Variants in BAHCC1 observed in about 807,000 individuals in gnomAD.
The protein encoded by BAHCC1 is BAH and coiled-coil domain-containing protein 1.
BAHCC1 carries 43 observed loss-of-function variants against 88.2 expected under a neutral mutation model. The ratio of observed to expected loss-of-function variants is 0.49; its 90% CI spans 0.38 to 0.63. BAHCC1 has a LOEUF of 0.63. Ranked by LOEUF, BAHCC1 falls within the 20% of genes least tolerant of loss-of-function variation. The probability of loss-of-function intolerance (pLI) is 0.00; values close to 1 mark genes in which losing one functional copy is unlikely to be tolerated. For synonymous variants in BAHCC1, 1,510 were observed against 745.5 expected (o/e 2.03, Z -16.71); for missense variants, 3,023 against 1,654.8 (o/e 1.83, Z -14.34).
At chr17:81,437,309 C>G (rs957379896) in intron 3 of BAHCC1, among the ~76,000 whole-genome samples, 1 of 152,258 alleles carries the variant, frequency 6.6e-6, no homozygotes, top group Non-Finnish European at 1.5e-5. Context: ...GCAGGCCGGC[C>G]GGCACTGGCA....
At chr17:81,427,472 G>A (rs1307002675) in intron 3 of BAHCC1, among the ~76,000 whole-genome samples, 7 of 152,184 alleles carry the variant, frequency 4.6e-5, no homozygotes, top group South Asian at 2.1e-4. Flanking sequence ...CTGCCTCCCC[G>A]TGGGACACAG....
In BAHCC1 at chr17:81,447,292, A is replaced by T. The variant is rs1555654754; in HGVS notation, c.3420A>T (p.Gly1140=). The T allele has an allele frequency of 1.4e-6, 1 of 732,366 alleles. No homozygotes were observed. The highest frequency in any genetic ancestry group is 2.5e-5 in the East Asian group (1 of 40,024). 45.4% of individuals were successfully genotyped at this position (732,366 alleles called of 1,614,324 possible). A position where few individuals can be genotyped will look rare whatever the true frequency, so the allele number is the denominator to read the frequency against. ...CCACCCCCTACCCTACCGAGCGGGG[A>T]CCCCAGGGGAAGGCAGCGGACCCCA... The part of the protein sequence containing the change: ...LAATPYPTER[G]PQGKAADPSP... Residue 1140 remains glycine (G), a synonymous_variant, in exon 11 of 28, where the codon GGA becomes GGT. Transcript: ENST00000675386.
rs782104738 is a variant in BAHCC1 at position 81,452,743 on chromosome 17, G to T, written c.4337G>T (p.Ser1446Ile). The T allele has an allele frequency of 2.7e-6, 2 of 752,186 alleles. No individual in the cohort carries two copies. Among genetic ancestry groups the T allele is most frequent in the Admixed American group, 1.8e-5 (1 of 54,464 alleles). 46.6% of individuals were successfully genotyped at this position (752,186 alleles called of 1,614,324 possible). ...HDHERDESSR[S>I]PARRGPGRPR... ...CCCAGGAGAGACGAGAGTTCACGGA[G>T]CCCTGCACGGCGGGGGCCTGGCCGG... Residue 1446 changes from serine (S) to isoleucine (I), a missense_variant, in exon 14 of 28, where the codon AGC becomes ATC. By Grantham distance (142) the Ser-to-Ile change is moderately radical (BLOSUM62 -2). Coordinates refer to ENST00000675386, the MANE Select transcript of BAHCC1 (RefSeq NM_001377448.1).
At chr17:81,452,132 CT>C in intron 13 of BAHCC1, 25 bp downstream of exon 13, 1 of 558,684 alleles carries the variant, frequency 1.8e-6, no homozygotes, top group Non-Finnish European at 3.1e-6. Context: ...GCGGGGGGGC[CT>C]GGGAGGGTCG....
rs184015714 is a variant in BAHCC1 at position 81,452,668 on chromosome 17, T to C, written c.4317-55T>C. ...AGGCCAATGCCCTCGGCTGGAACCT[T>C]GTCGGGGAGCTGGGTTGTGCATGAG... On this transcript the variant is annotated intron_variant, in intron 13 of 27. Coordinates refer to ENST00000675386, the MANE Select transcript of BAHCC1 (RefSeq NM_001377448.1). 3.0e-5 allele frequency: 20 copies of C among 671,430 alleles called. 1 individual carries two copies. Among genetic ancestry groups the C allele is most frequent in the Non-Finnish European group, 1.1e-5 (4 of 373,542 alleles). The allele number at this position is 671,430 out of a possible 1,614,324, so 41.6% of individuals were successfully genotyped here.
At chr17:81,431,229 C>T (rs2064257784) in intron 3 of BAHCC1, among the ~76,000 whole-genome samples, 1 of 152,110 alleles carries the variant, frequency 6.6e-6, no homozygotes, top group South Asian at 2.1e-4. Flanking sequence ...CCCATACCCT[C>T]GGCCCCTCAC....
chr17:81,410,629 C>T (rs568859589), intron 2 of BAHCC1, among the ~76,000 whole-genome samples: 25 of 152,308 alleles, frequency 1.6e-4, no homozygotes, highest in Non-Finnish European at 2.6e-4. Context: ...CCTGGCACCA[C>T]GGGCAGTGCA....
intron 2 of BAHCC1, among the ~76,000 whole-genome samples, chr17:81,419,698 GCC>G (rs2064090919): frequency 1.3e-5 from 2 of 151,990 alleles, no homozygotes; most frequent in Admixed American, 1.3e-4. Flanking sequence ...CATGCCAGCA[GCC>G]CGGCAGCTGG....
At position 81,463,684 on chromosome 17, in the gene BAHCC1, C is replaced by T. The variant is rs782531473; in HGVS notation, c.7694C>T (p.Ala2565Val). ...ATCTCCCACAAGTGCCAGGTCGTGG[C>T]GCGCGAGCAGTATGAGCAGATGGCC... Reference protein sequence around the residue: ...QTISHKCQVVAREQYEQMARS... With the variant: ...QTISHKCQVVVREQYEQMARS... Residue 2565 changes from alanine (A) to valine (V), a missense_variant, in exon 28 of 28, where the codon GCG becomes GTG. Physicochemically the swap from Ala to Val is moderately conservative, Grantham distance 64. Transcript: ENST00000675386. 2.1e-5 allele frequency: 16 copies of T among 779,558 alleles called. No individual in the cohort carries two copies. Among genetic ancestry groups the T allele is most frequent in the East Asian group, 4.8e-5 (2 of 41,262 alleles). 48.3% of individuals were successfully genotyped at this position (779,558 alleles called of 1,614,324 possible).
At chr17:81,415,492 G>T (rs372810371) in intron 2 of BAHCC1, 1 of 509,512 alleles carries the variant, frequency 2.0e-6, no homozygotes, top group Non-Finnish European at 3.9e-6. Context: ...ACCAAAAGCA[G>T]TTGGCTGGGA....
At chr17:81,416,013 T>C (rs565206241) in intron 2 of BAHCC1, among the ~76,000 whole-genome samples, 15 of 149,948 alleles carry the variant, frequency 1.0e-4, no homozygotes, top group African/African-American at 3.5e-4. Flanking sequence ...TGCGCGTGTG[T>C]GTGTGTCCAT....
chr17:81,464,826 A>T lies in BAHCC1; in HGVS notation c.*1009A>T, dbSNP rs1390077607. 4 of 151,974 alleles carry T rather than the reference A, an allele frequency of 2.6e-5. No homozygotes were observed. Among genetic ancestry groups the T allele is most frequent in the Non-Finnish European group, 5.9e-5 (4 of 67,928 alleles). 9.4% of individuals were successfully genotyped at this position (151,974 alleles called of 1,614,324 possible). A position where few individuals can be genotyped will look rare whatever the true frequency, so the allele number is the denominator to read the frequency against. ...GAGGGGCTGGCCCCTCGCCCCCCTC[A>T]CCCTCGCCGCCCTGGCACACTCGGG... On this transcript the variant is annotated 3_prime_UTR_variant, in exon 28 of 28. Transcript: ENST00000675386.
At position 81,460,605 on chromosome 17, in the gene BAHCC1, C is replaced by T. The variant is rs782799678; in HGVS notation, c.6101C>T (p.Pro2034Leu). Residue 2034 changes from proline to leucine, a missense_variant, in exon 25 of 28, where the codon CCG becomes CTG. Pro to Leu is a moderately conservative substitution (Grantham distance 98). Coordinates refer to ENST00000675386, the MANE Select transcript of BAHCC1 (RefSeq NM_001377448.1). ...AAGAAGGTATCCAGTGAGGCACCCCCGCCTAGTGAAGCCGCCACCCCCAGC... is the reference window on the plus strand; with the variant it reads ...AAGAAGGTATCCAGTGAGGCACCCCTGCCTAGTGAAGCCGCCACCCCCAGC... Reference protein sequence around the residue: ...RTKKVSSEAPPPSEAATPSLS... With the variant: ...RTKKVSSEAPLPSEAATPSLS... 2.3e-5 allele frequency: 18 copies of T among 770,466 alleles called. No individual in the cohort carries two copies. Among genetic ancestry groups the T allele is most frequent in the South Asian group, 4.1e-5 (3 of 73,194 alleles). The allele number at this position is 770,466 out of a possible 1,614,324, so 47.7% of individuals were successfully genotyped here. A position where few individuals can be genotyped will look rare whatever the true frequency, so the allele number is the denominator to read the frequency against.
chr17:81,434,326 C>T lies in BAHCC1; in HGVS notation c.359-4044C>T, dbSNP rs1555651410. ...CGCCCAGCCAGGCGCATGTGGGAGC[C>T]GAGGTGGTACTGCAGTGGGAGACAG... On this transcript the variant is annotated intron_variant, in intron 3 of 27. Coordinates refer to ENST00000675386, the MANE Select transcript of BAHCC1 (RefSeq NM_001377448.1). The surrounding 1 kb of genome is among the most constrained non-coding windows in gnomAD (Gnocchi z 4.9). Among the ~76,000 whole-genome samples the T allele has an allele frequency of 2.0e-5, 3 of 152,184 alleles. No homozygotes were observed. The highest frequency in any genetic ancestry group is 2.9e-5 in the Non-Finnish European group (2 of 68,020).
At position 81,411,937 on chromosome 17, in the gene BAHCC1, A is replaced by G. The variant is rs373756821; in HGVS notation, c.178+12020A>G. 2.0e-5 allele frequency among the ~76,000 whole-genome samples: 3 copies of G among 152,224 alleles called. No homozygotes were observed. Among genetic ancestry groups the G allele is most frequent in the Admixed American group, 6.5e-5 (1 of 15,292 alleles). On this transcript the variant is annotated intron_variant, in intron 2 of 27. Coordinates refer to ENST00000675386, the MANE Select transcript of BAHCC1 (RefSeq NM_001377448.1). This position sits in a 1 kb window ranked among gnomAD's most constrained non-coding sequence, Gnocchi z 6.2. ...ATCCGAGGGTAGCTTTGCCACAGGAAGCATTTGCATTCAGCGAGACACACA... is the reference window on the plus strand; with the variant it reads ...ATCCGAGGGTAGCTTTGCCACAGGAGGCATTTGCATTCAGCGAGACACACA...
intron 2 of BAHCC1, chr17:81,402,133 G>A (rs901074533): frequency 6.6e-6 from 1 of 152,198 alleles, no homozygotes; most frequent in Non-Finnish European, 1.5e-5. Context: ...AGGCCCCTCG[G>A]GGCTGCCTCT....
intron 2 of BAHCC1, among the ~76,000 whole-genome samples, chr17:81,418,542 C>T (rs575928632): frequency 2.6e-5 from 4 of 152,264 alleles, no homozygotes; most frequent in Non-Finnish European, 5.9e-5. Context: ...CCGGGACATG[C>T]CCCGACCCAG....
rs2064308688 is a variant in BAHCC1, at chr17:81,434,429, G to C, written c.359-3941G>C. Among the ~76,000 whole-genome samples, 1 of 152,214 alleles carries C rather than the reference G, an allele frequency of 6.6e-6. No individual in the cohort carries two copies. ...GGCACTGCCGTTTGTCAGGATGGTG[G>C]GGTGTCCGCTGTAGAAGGTTTTGTC... is the stretch of plus-strand genomic sequence containing the variant. On this transcript the variant is annotated intron_variant, in intron 3 of 27. Transcript: ENST00000675386. This position sits in a 1 kb window ranked among gnomAD's most constrained non-coding sequence, Gnocchi z 4.9.
chr17:81,434,349 C>G lies in BAHCC1; in HGVS notation c.359-4021C>G, dbSNP rs1472373291. Among the ~76,000 whole-genome samples the G allele has an allele frequency of 1.3e-5, 2 of 152,186 alleles. No homozygotes were observed. Among genetic ancestry groups the G allele is most frequent in the African/African-American group, 4.8e-5 (2 of 41,434 alleles). On this transcript the variant is annotated intron_variant, in intron 3 of 27. Coordinates refer to ENST00000675386, the MANE Select transcript of BAHCC1 (RefSeq NM_001377448.1). This position sits in a 1 kb window ranked among gnomAD's most constrained non-coding sequence, Gnocchi z 4.9. ...GCCGAGGTGGTACTGCAGTGGGAGA[C>G]AGGTCGAGGCTCAGCCGTGGGAGGC...
Sources: allele counts gnomAD v4.1 joint callset (sites outside exome capture counted in the v4.1 genomes callset), GRCh38; gene constraint gnomAD v4.1.1; non-coding constraint Gnocchi (gnomAD v3.1); transcripts MANE v1.5; gene names NCBI Gene and HGNC (gene_info 2026-07-23, HGNC 2026-07-21).